Variants in SLC37A1 observed in about 807,000 individuals in gnomAD.
The protein encoded by SLC37A1 is glucose-6-phosphate exchanger SLC37A1.
In SLC37A1, 49 loss-of-function variants were observed where a neutral mutation model predicts 75.3. The ratio of observed to expected loss-of-function variants is 0.65; its 90% CI spans 0.52 to 0.83. The LOEUF is 0.83. Ranked by LOEUF, SLC37A1 falls within the 40% of genes least tolerant of loss-of-function variation. SLC37A1 has a pLI of 0.00. For missense variants in SLC37A1, 566 were observed against 695.0 expected (o/e 0.81, Z 2.09); for synonymous variants, 268 against 292.1 (o/e 0.92, Z 0.84).
At chr21:42,568,463 G>A (rs776915730) in intron 17 of SLC37A1, 25 bp downstream of exon 17, 12 of 1,607,632 alleles carry the variant, frequency 7.5e-6, no homozygotes, top group Non-Finnish European at 1.0e-5. Context: ...TTAGCTCTGG[G>A]AGGTTTGGTG....
At chr21:42,540,160 A>G (rs1213923894) in intron 6 of SLC37A1, among the ~76,000 whole-genome samples, 3 of 152,206 alleles carry the variant, frequency 2.0e-5, no homozygotes, top group Non-Finnish European at 4.4e-5. Flanking sequence ...TATTAGGGGA[A>G]CTTACATACT....
chr21:42,533,995 A>G (rs1274854498), intron 3 of SLC37A1, among the ~76,000 whole-genome samples: 1 of 152,184 alleles, frequency 6.6e-6, no homozygotes, highest in Non-Finnish European at 1.5e-5. Flanking sequence ...TACTAAGTAT[A>G]CAAATCTTCA....
intron 11 of SLC37A1, among the ~76,000 whole-genome samples, chr21:42,559,300 T>A (rs2055767263): frequency 6.6e-6 from 1 of 150,758 alleles, no homozygotes. Flanking sequence ...ATGTTTAAAT[T>A]TTTTTTGAAA....
Position 42,569,888 on chromosome 21 carries a change from C to G in SLC37A1, c.1423+1450C>G, listed in dbSNP as rs183843282. 6.4e-4 allele frequency among the ~76,000 whole-genome samples: 98 copies of G among 152,384 alleles called. 1 individual carries two copies. The highest frequency in any genetic ancestry group is 9.8e-4 in the Admixed American group (15 of 15,308). On this transcript the variant is annotated intron_variant, in intron 17 of 19. Transcript: ENST00000352133. ...CTGCACAGTGAGGAGCCAGGCCGGA[C>G]AGGCCCCAGGCGCCCCCGCCCAGCC... is the stretch of plus-strand genomic sequence containing the variant.
chr21:42,521,547 CCT>C (rs900202187), intron 2 of SLC37A1, among the ~76,000 whole-genome samples: 1 of 152,186 alleles, frequency 6.6e-6, no homozygotes, highest in African/African-American at 2.4e-5. Context: ...TTGCATGGAG[CCT>C]CTCACCCTAA....
At chr21:42,533,392 G>A (rs2055046880) in intron 3 of SLC37A1, among the ~76,000 whole-genome samples, 1 of 152,200 alleles carries the variant, frequency 6.6e-6, no homozygotes, top group African/African-American at 2.4e-5. Flanking sequence ...AGAGACCCCT[G>A]AGAAGAGAAG....
intron 5 of SLC37A1, among the ~76,000 whole-genome samples, 195 bp from the exon 6 acceptor site, chr21:42,539,317 G>A (rs151040997): frequency 1.1e-3 from 173 of 152,322 alleles, no homozygotes; most frequent in African/African-American, 3.9e-3. Flanking sequence ...CTAAGATGTT[G>A]CCAGTCTCTG....
In SLC37A1 at chr21:42,579,790, G is replaced by C; in HGVS notation, c.1576G>C (p.Asp526His). ...GAGCTGCCCAGGGTCAGCTACGGGG[G>C]ACCAAGTTCCGTAAGTCCCACTCGG... ...ELSCPGSATG[D>H]QVPFKEQ The change falls in exon 19 of 20, where the codon GAC becomes CAC. Residue 526 changes from aspartate to histidine, a missense_variant. By Grantham distance (81) the Asp-to-His change is moderately conservative. Coordinates refer to ENST00000352133, the MANE Select transcript of SLC37A1 (RefSeq NM_001320537.2). 6.2e-7 allele frequency: 1 copy of C among 1,614,114 alleles called. No individual in the cohort carries two copies. The highest frequency in any genetic ancestry group is 8.5e-7 in the Non-Finnish European group (1 of 1,180,026).
intron 18 of SLC37A1, among the ~76,000 whole-genome samples, chr21:42,578,684 C>T (rs778381522): frequency 2.0e-5 from 3 of 152,198 alleles, no homozygotes; most frequent in African/African-American, 4.8e-5. Context: ...TCGCAAACAC[C>T]TTTCATGCAC....
chr21:42,524,802 G>C (rs576594872), intron 2 of SLC37A1, among the ~76,000 whole-genome samples: 1 of 152,308 alleles, frequency 6.6e-6, no homozygotes, highest in African/African-American at 2.4e-5. Context: ...TCTGGCCCTG[G>C]TTCTGGGCAC....
Position 42,525,839 on chromosome 21 carries a change from G to T in SLC37A1, c.120G>T (p.Lys40Asn). Residue 40 changes from lysine to asparagine, a missense_variant, in exon 3 of 20, where the codon AAG becomes AAT. By Grantham distance (94) the Lys-to-Asn change is moderately conservative. Transcript: ENST00000352133. Reference sequence around the variant, plus strand: ...ATGCAAGTTTTCACTTATCTCGAAAGCCTATCAGCATAGTTAAGGTAAGAA... The same window carrying T: ...ATGCAAGTTTTCACTTATCTCGAAATCCTATCAGCATAGTTAAGGTAAGAA... The part of the protein sequence containing the change: ...LLYASFHLSR[K>N]PISIVKGELH... 6.2e-7 allele frequency: 1 copy of T among 1,613,854 alleles called. No individual in the cohort carries two copies. The highest frequency in any genetic ancestry group is 8.5e-7 in the Non-Finnish European group (1 of 1,179,804).
At chr21:42,505,554 G>C (rs981469302) in intron 2 of SLC37A1, among the ~76,000 whole-genome samples, 1 of 152,130 alleles carries the variant, frequency 6.6e-6, no homozygotes, top group Non-Finnish European at 1.5e-5. Flanking sequence ...CACTGTCAGA[G>C]AGTTGGAAGG....
intron 2 of SLC37A1, chr21:42,502,452 G>A (rs1352204332): frequency 6.6e-6 from 1 of 152,090 alleles, no homozygotes; most frequent in Non-Finnish European, 1.5e-5. Context: ...TAATCTGATG[G>A]ACAGGCAGTG....
chr21:42,577,813 C>T (rs1260991219), intron 18 of SLC37A1, among the ~76,000 whole-genome samples: 1 of 152,182 alleles, frequency 6.6e-6, no homozygotes, highest in Non-Finnish European at 1.5e-5. Flanking sequence ...AAGAAACACA[C>T]CTGCTACACT....
At chr21:42,566,234 C>A (rs73375832) in intron 15 of SLC37A1, among the ~76,000 whole-genome samples, 1,588 of 152,352 alleles carry the variant, frequency 0.01, 28 homozygotes, top group African/African-American at 0.036. Context: ...CTGCCACCTG[C>A]ACCCTGCACC....
Position 42,567,688 on chromosome 21 carries a change from T to C in SLC37A1, c.1344+630T>C, listed in dbSNP as rs576500894. ...CATATTACGTGCATATACAAGCATT[T>C]ATTTTTTTGAACGCTGGTTCATTTT... On this transcript the variant is annotated intron_variant, in intron 16 of 19. Coordinates refer to ENST00000352133, the MANE Select transcript of SLC37A1 (RefSeq NM_001320537.2). 7.2e-5 allele frequency among the ~76,000 whole-genome samples: 11 copies of C among 152,198 alleles called. No individual in the cohort carries two copies. In the South Asian group the frequency reaches 2.3e-3, roughly 32 times the overall value.
chr21:42,534,813 G>A lies in SLC37A1; in HGVS notation c.254G>A (p.Cys85Tyr). 1 of 1,613,822 alleles carries A rather than the reference G, an allele frequency of 6.2e-7. No individual in the cohort carries two copies. ...CAGCTCCCTGACAATGAGACCGACT[G>A]TGGCTGGGCACCGTTTGGTAAGTCG... ...PHQLPDNETDCGWAPFDKNNY... is the reference protein window; with the variant it reads ...PHQLPDNETDYGWAPFDKNNY... The change falls in exon 4 of 20, where the codon TGT becomes TAT. Residue 85 changes from cysteine (C) to tyrosine (Y), a missense_variant. Transcript: ENST00000352133.
intron 8 of SLC37A1, among the ~76,000 whole-genome samples, 157 bp from the exon 9 acceptor site, chr21:42,546,946 C>T (rs1029724873): frequency 1.3e-5 from 2 of 152,186 alleles, no homozygotes; most frequent in Non-Finnish European, 2.9e-5. Flanking sequence ...GTTTTTGTGG[C>T]AAGAGCAGCT....
chr21:42,532,912 T>C (rs1256683875), intron 3 of SLC37A1, among the ~76,000 whole-genome samples: 2 of 152,204 alleles, frequency 1.3e-5, no homozygotes, highest in East Asian at 1.9e-4. Context: ...TGTTTAATTA[T>C]AGCAGAACAG....
Sources: allele counts gnomAD v4.1 joint callset (sites outside exome capture counted in the v4.1 genomes callset), GRCh38; gene constraint gnomAD v4.1.1; transcripts MANE v1.5; gene names NCBI Gene and HGNC (gene_info 2026-07-23, HGNC 2026-07-21).